Variants in XPR1 observed in about 807,000 individuals in gnomAD.
XPR1 encodes the protein xenotropic and polytropic retrovirus receptor 1.
In XPR1, 28 loss-of-function variants were observed where a neutral mutation model predicts 87.5. That is an observed-to-expected ratio of 0.32 (90% CI 0.24 to 0.44). XPR1 has a LOEUF of 0.44. Ranked by LOEUF, XPR1 falls within the 20% of genes least tolerant of loss-of-function variation. The probability of loss-of-function intolerance (pLI) is 1.00; values close to 1 mark genes in which losing one functional copy is unlikely to be tolerated. For missense variants in XPR1, 559 were observed against 862.3 expected, an observed-to-expected ratio of 0.65 and a Z score of 4.41; for synonymous variants, 300 against 306.1, an observed-to-expected ratio of 0.98 and a Z score of 0.21.
At chr1:180,670,384 A>T (rs2101930050) in intron 1 of XPR1, among the ~76,000 whole-genome samples, 1 of 152,244 alleles carries the variant, frequency 6.6e-6, no homozygotes, top group Non-Finnish European at 1.5e-5. Context: ...TGTGGACTAT[A>T]AATATTTTCT....
intron 1 of XPR1, among the ~76,000 whole-genome samples, chr1:180,632,980 T>G (rs151278271): frequency 2.0e-5 from 3 of 152,366 alleles, no homozygotes; most frequent in African/African-American, 7.2e-5. Flanking sequence ...GCCTCTTGTT[T>G]TGGAATGGAG....
At chr1:180,664,115 T>C (rs1655877841) in intron 1 of XPR1, among the ~76,000 whole-genome samples, 1 of 152,182 alleles carries the variant, frequency 6.6e-6, no homozygotes, top group Admixed American at 6.5e-5. Flanking sequence ...AAAAGCCTGC[T>C]TAGTGCTCTT....
In XPR1 at chr1:180,834,921, C is replaced by T. The variant is rs1358891793; in HGVS notation, c.1182C>T (p.Phe394=). The change falls in exon 10 of 15, where the codon TTC becomes TTT. Residue 394 remains phenylalanine (F), a synonymous_variant. Transcript: ENST00000367590. ...APFHKVGFAD[F]WLADQLNSLS... is the part of the protein sequence containing the mutation. ...TCCATAAGGTAGGCTTTGCTGATTT[C>T]TGGCTGGCGGATCAGCTGAACAGCC... 1 of 1,613,278 alleles carries T rather than the reference C, an allele frequency of 6.2e-7. No individual in the cohort carries two copies. The highest frequency in any genetic ancestry group is 1.3e-5 in the African/African-American group (1 of 74,778).
intron 3 of XPR1, 70 bp downstream of exon 3, chr1:180,787,924 T>C (rs900499900): frequency 1.8e-6 from 2 of 1,112,470 alleles, no homozygotes; most frequent in African/African-American, 1.6e-5. Context: ...TTGTTTAAAC[T>C]TCTGATCAAT....
At chr1:180,667,775 C>T (rs1656013203) in intron 1 of XPR1, among the ~76,000 whole-genome samples, 1 of 152,132 alleles carries the variant, frequency 6.6e-6, no homozygotes, top group East Asian at 1.9e-4. Context: ...ATTTATAGAT[C>T]TGTTCAGATT....
intron 11 of XPR1, among the ~76,000 whole-genome samples, chr1:180,858,774 T>C (rs1190204934): frequency 6.6e-6 from 1 of 152,210 alleles, no homozygotes; most frequent in Non-Finnish European, 1.5e-5. Flanking sequence ...AATAATAATG[T>C]CTGTCTTGTC....
chr1:180,683,283 A>G (rs991931005), intron 2 of XPR1, among the ~76,000 whole-genome samples: 1 of 152,102 alleles, frequency 6.6e-6, no homozygotes, highest in Non-Finnish European at 1.5e-5. Context: ...TGACCCTACA[A>G]AGGACATGAA....
At chr1:180,860,900 T>G (rs1213366841) in intron 11 of XPR1, among the ~76,000 whole-genome samples, 1 of 152,112 alleles carries the variant, frequency 6.6e-6, no homozygotes, top group Non-Finnish European at 1.5e-5. Context: ...GATTTACATT[T>G]AAAATCTAGG....
intron 1 of XPR1, among the ~76,000 whole-genome samples, chr1:180,677,411 G>A (rs1479902947): frequency 6.6e-6 from 1 of 152,142 alleles, no homozygotes; most frequent in South Asian, 2.1e-4. Context: ...CGGGAGTGCT[G>A]ATTGGTTGGG....
At chr1:180,832,091 A>G (rs1391897339) in intron 9 of XPR1, among the ~76,000 whole-genome samples, 1 of 152,208 alleles carries the variant, frequency 6.6e-6, no homozygotes, top group African/African-American at 2.4e-5. Flanking sequence ...TTGCCATTCT[A>G]ACTGGTGTGA....
At chr1:180,716,075 T>C (rs1473044222) in intron 2 of XPR1, among the ~76,000 whole-genome samples, 1 of 152,152 alleles carries the variant, frequency 6.6e-6, no homozygotes, top group Admixed American at 6.5e-5. Flanking sequence ...GAATGTCATA[T>C]AATAGATAGA....
intron 2 of XPR1, among the ~76,000 whole-genome samples, chr1:180,705,134 C>G (rs1426903414): frequency 6.6e-6 from 1 of 151,984 alleles, no homozygotes; most frequent in African/African-American, 2.4e-5. Flanking sequence ...TTAGGCATGG[C>G]AACCACAAGC....
intron 2 of XPR1, among the ~76,000 whole-genome samples, chr1:180,765,088 A>G (rs1363537833): frequency 6.6e-6 from 1 of 152,100 alleles, no homozygotes; most frequent in Admixed American, 6.6e-5. Context: ...CTCGGCCCTT[A>G]TGGATAATTT....
intron 3 of XPR1, among the ~76,000 whole-genome samples, chr1:180,789,787 C>T (rs537312953): frequency 8.5e-5 from 13 of 152,224 alleles, no homozygotes; most frequent in African/African-American, 3.1e-4. Flanking sequence ...CCTTTACCCT[C>T]ATTGCCTTAT....
chr1:180,844,946 T>C (rs1651629376), intron 11 of XPR1, among the ~76,000 whole-genome samples: 1 of 152,150 alleles, frequency 6.6e-6, no homozygotes, highest in South Asian at 2.1e-4. Context: ...GGCAAGAAAG[T>C]ATACTTCTGC....
intron 6 of XPR1, among the ~76,000 whole-genome samples, chr1:180,807,646 A>T (rs906218853): frequency 2.0e-5 from 3 of 152,190 alleles, no homozygotes. Context: ...TGATTTATAG[A>T]TATAATACGT....
At chr1:180,856,758 A>C (rs1652045735) in intron 11 of XPR1, among the ~76,000 whole-genome samples, 1 of 152,138 alleles carries the variant, frequency 6.6e-6, no homozygotes, top group South Asian at 2.1e-4. Context: ...TCTGTTCCTT[A>C]AACTTATACT....
chr1:180,725,079 G>C (rs1410756168), intron 2 of XPR1, among the ~76,000 whole-genome samples: 2 of 152,128 alleles, frequency 1.3e-5, no homozygotes, highest in Non-Finnish European at 2.9e-5. Flanking sequence ...ACTGAGTAAG[G>C]ATCCCTAAAG....
chr1:180,665,275 C>T (rs763335061), intron 1 of XPR1, among the ~76,000 whole-genome samples: 5 of 152,116 alleles, frequency 3.3e-5, no homozygotes, highest in African/African-American at 1.2e-4. Context: ...TGGGGAAAAC[C>T]GCCGCCGTGA....
Sources: allele counts gnomAD v4.1 joint callset (sites outside exome capture counted in the v4.1 genomes callset), GRCh38; gene constraint gnomAD v4.1.1; transcripts MANE v1.5; gene names NCBI Gene and HGNC (gene_info 2026-07-23, HGNC 2026-07-21).